Variants in CYTH1 observed in about 807,000 individuals in gnomAD.
The protein encoded by CYTH1 is cytohesin 1.
CYTH1 carries 18 observed loss-of-function variants against 61.8 expected under a neutral mutation model. That is an observed-to-expected ratio of 0.29 (90% CI 0.20 to 0.43). The LOEUF is 0.43. Among genes scored for constraint, CYTH1 ranks in the 20% least tolerant of loss-of-function variants. The pLI is 1.00. For missense variants in CYTH1, 336 were observed against 510.5 expected, an observed-to-expected ratio of 0.66 and a Z score of 3.29; for synonymous variants, 174 against 184.3, an observed-to-expected ratio of 0.94 and a Z score of 0.45.
At chr17:78,689,599 C>A (rs935792216) in intron 11 of CYTH1, among the ~76,000 whole-genome samples, 4 of 152,150 alleles carry the variant, frequency 2.6e-5, no homozygotes, top group African/African-American at 9.7e-5. Flanking sequence ...GCTGTGTGGC[C>A]TGGCTCGTAA....
At chr17:78,676,248 G>C in intron 13 of CYTH1, 79 bp from the exon 14 acceptor site, 2 of 1,456,490 alleles carry the variant, frequency 1.4e-6, no homozygotes, top group Non-Finnish European at 1.9e-6. Context: ...GGATTCTCAG[G>C]GGCCCCTCGT....
intron 9 of CYTH1, 130 bp from the exon 10 acceptor site, chr17:78,696,139 A>G: frequency 2.4e-6 from 3 of 1,261,664 alleles, no homozygotes; most frequent in Non-Finnish European, 3.1e-6. Context: ...AGTCACATTC[A>G]TGCCTGCCTG....
chr17:78,697,418 G>A (rs1167490454), intron 9 of CYTH1, among the ~76,000 whole-genome samples: 2 of 151,544 alleles, frequency 1.3e-5, no homozygotes, highest in African/African-American at 4.9e-5. Context: ...ATGTGGACAT[G>A]AATGTGTATG....
chr17:78,702,087 C>T (rs2093016512), intron 5 of CYTH1, 35 bp downstream of exon 5: 13 of 1,513,292 alleles, frequency 8.6e-6, no homozygotes, highest in Non-Finnish European at 1.1e-5. Flanking sequence ...CCTGAACAGC[C>T]TTCCCTAGCA....
Position 78,760,585 on chromosome 17 carries a change from G to A in CYTH1, c.22+21617C>T, listed in dbSNP as rs534680747. On this transcript the variant is annotated intron_variant, in intron 1 of 13. Coordinates refer to ENST00000446868, the MANE Select transcript of CYTH1 (RefSeq NM_004762.6). ...TATATATATACACATACATATATATGTATATATATGTATATATATAGTTTA... is the reference window on the plus strand; with the variant it reads ...TATATATATACACATACATATATATATATATATATGTATATATATAGTTTA... Among the ~76,000 whole-genome samples the A allele has an allele frequency of 6.3e-5, 3 of 47,334 alleles. 1 individual carries two copies. The highest frequency in any genetic ancestry group is 2.1e-4 in the Admixed American group (1 of 4,716). 31.1% of individuals were successfully genotyped at this position (47,334 alleles called of 152,430 possible). A position where few individuals can be genotyped will look rare whatever the true frequency, so the allele number is the denominator to read the frequency against.
At position 78,674,438 on chromosome 17, in the gene CYTH1, C is replaced by T. The variant is rs1422498699; in HGVS notation, c.*1653G>A. 1 of 152,246 alleles carries T rather than the reference C, an allele frequency of 6.6e-6. No individual in the cohort carries two copies. The highest frequency in any genetic ancestry group is 2.4e-5 in the African/African-American group (1 of 41,432). The allele number at this position is 152,246 out of a possible 1,614,324, so 9.4% of individuals were successfully genotyped here. On this transcript the variant is annotated 3_prime_UTR_variant, in exon 14 of 14. Coordinates refer to ENST00000446868, the MANE Select transcript of CYTH1 (RefSeq NM_004762.6). ...GAAAGTTCAGGTTTCCAGCCTGGAC[C>T]CTCTTCTGTCACCCTCACAAGCTCT... is the stretch of plus-strand genomic sequence containing the variant.
chr17:78,715,155 T>A (rs1327687691), intron 1 of CYTH1, among the ~76,000 whole-genome samples: 2 of 152,076 alleles, frequency 1.3e-5, no homozygotes, highest in African/African-American at 4.8e-5. Context: ...ATAAAGACGA[T>A]CCTAAAACCT....
chr17:78,736,757 G>A (rs1307632718), intron 1 of CYTH1: 3 of 387,852 alleles, frequency 7.7e-6, no homozygotes, highest in Admixed American at 6.4e-5. Flanking sequence ...AGTCCGTTCT[G>A]TGCTTCCAGG....
chr17:78,771,041 T>C (rs1400203065), intron 1 of CYTH1, among the ~76,000 whole-genome samples: 1 of 151,932 alleles, frequency 6.6e-6, no homozygotes, highest in Non-Finnish European at 1.5e-5. Flanking sequence ...GGTGGACAGA[T>C]CACATGAGGC....
At chr17:78,731,836 G>T (rs140839122) in intron 1 of CYTH1, among the ~76,000 whole-genome samples, 2 of 151,156 alleles carry the variant, frequency 1.3e-5, no homozygotes, top group Admixed American at 1.3e-4. Flanking sequence ...GCAGAGACAA[G>T]AACACTATAA....
intron 1 of CYTH1, among the ~76,000 whole-genome samples, chr17:78,712,554 G>T (rs1002001567): frequency 3.3e-5 from 5 of 152,076 alleles, no homozygotes; most frequent in Admixed American, 6.5e-5. Flanking sequence ...TACTCAGGAG[G>T]CTGAGGCAGA....
chr17:78,763,881 T>C (rs1460993796), intron 1 of CYTH1, among the ~76,000 whole-genome samples: 3 of 152,128 alleles, frequency 2.0e-5, no homozygotes, highest in Admixed American at 6.5e-5. Flanking sequence ...AAGGCTGAGA[T>C]AGGCACATCA....
At chr17:78,705,149 T>C (rs774061782) in intron 3 of CYTH1, among the ~76,000 whole-genome samples, 1 of 151,920 alleles carries the variant, frequency 6.6e-6, no homozygotes, top group Non-Finnish European at 1.5e-5. Flanking sequence ...AAGCAAGGGG[T>C]GAAACTCCTG....
intron 1 of CYTH1, among the ~76,000 whole-genome samples, chr17:78,776,983 G>A (rs1852057530): frequency 1.3e-5 from 2 of 151,972 alleles, no homozygotes; most frequent in South Asian, 4.1e-4. Context: ...AAATTAGCCA[G>A]GCGTGGTGAC....
Position 78,675,858 on chromosome 17 carries a change from G to T in CYTH1, c.*233C>A. On this transcript the variant is annotated 3_prime_UTR_variant, in exon 14 of 14. Coordinates refer to ENST00000446868, the MANE Select transcript of CYTH1 (RefSeq NM_004762.6). ...TGCCGACAAGAGCTCTGCCCTGTGAGAGAGGAAGGCTCTGGAGCCCATGCT... is the reference window on the plus strand; with the variant it reads ...TGCCGACAAGAGCTCTGCCCTGTGATAGAGGAAGGCTCTGGAGCCCATGCT... 6.9e-7 allele frequency: 1 copy of T among 1,457,852 alleles called. No homozygotes were observed. Among genetic ancestry groups the T allele is most frequent in the South Asian group, 1.5e-5 (1 of 68,532 alleles). The allele number at this position is 1,457,852 out of a possible 1,614,324, so 90.3% of individuals were successfully genotyped here.
rs199521288 is a variant in CYTH1 at position 78,756,084 on chromosome 17, T to TA, written c.22+26117_22+26118insT. On this transcript the variant is annotated intron_variant, in intron 1 of 13. Coordinates refer to ENST00000446868, the MANE Select transcript of CYTH1 (RefSeq NM_004762.6). ...TTATTTATTTATTTATTTTTATTTT[T>TA]TTTTTTTTTGAGACAGAGTCTTGCT... Among the ~76,000 whole-genome samples the TA allele has an allele frequency of 4.5e-3, 671 of 149,996 alleles. 5 individuals are homozygous for TA. Among genetic ancestry groups the TA allele is most frequent in the East Asian group, 8.5e-3 (44 of 5,152 alleles).
intron 1 of CYTH1, among the ~76,000 whole-genome samples, chr17:78,775,696 T>A (rs1419617530): frequency 6.6e-6 from 1 of 152,190 alleles, no homozygotes; most frequent in African/African-American, 2.4e-5. Context: ...TGCAGACGTC[T>A]CTTCCTTTTC....
intron 3 of CYTH1, among the ~76,000 whole-genome samples, chr17:78,704,836 G>A (rs2093048907): frequency 6.6e-6 from 1 of 152,134 alleles, no homozygotes; most frequent in Non-Finnish European, 1.5e-5. Context: ...TTGACCTTTT[G>A]AAAGGAACAC....
In CYTH1 at chr17:78,782,219, T is replaced by C. The variant is rs2093522065; in HGVS notation, c.5A>G (p.Glu2Gly). Residue 2 changes from glutamate to glycine, a missense_variant, in exon 1 of 14, where the codon GAG (glutamate) becomes GGG (glycine). This residue lies in a region of CYTH1 where 112 missense variants were observed against 127.1 expected (regional missense o/e 0.88). Transcript: ENST00000446868. ...GCACTGACCGTAGCTGTCGTCCTCC[T>C]CCATGGTGCGGGAGCCGGGCTCCGC... is the stretch of plus-strand genomic sequence containing the variant. Reference protein sequence around the residue: MEEDDSYVPSDL... With the variant: MGEDDSYVPSDL... 3.2e-5 allele frequency: 44 copies of C among 1,354,272 alleles called. No individual in the cohort carries two copies. Among genetic ancestry groups the C allele is most frequent in the Non-Finnish European group, 4.2e-5 (44 of 1,038,064 alleles). The allele number at this position is 1,354,272 out of a possible 1,614,324, so 83.9% of individuals were successfully genotyped here.
Sources: gnomAD v4.1 joint callset for allele counts (sites outside exome capture counted in the v4.1 genomes callset) on GRCh38, gnomAD v4.1.1 for gene constraint, gnomAD v4.1.1 regional missense constraint, MANE v1.5 for transcripts, NCBI Gene and HGNC (gene_info 2026-07-23, HGNC 2026-07-21) for gene names.